The following PNKD variants were observed in gnomAD, a reference collection of about 807,000 sequenced individuals.
The protein encoded by PNKD is probable thioesterase PNKD.
PNKD carries 36 observed loss-of-function variants against 45.3 expected under a neutral mutation model. The observed-to-expected ratio is 0.80, with a 90% CI of 0.61 to 1.05. The LOEUF is 1.05. Among genes scored for constraint, PNKD ranks in the 50% least tolerant of loss-of-function variants. The pLI, the probability that PNKD is intolerant of heterozygous loss-of-function variation, is 0.00. For missense variants in PNKD, 511 were observed against 506.6 expected (o/e 1.01, Z -0.08); for synonymous variants, 197 against 210.1 (o/e 0.94, Z 0.54).
chr2:218,279,902 A>G lies in PNKD; in HGVS notation c.236+8353A>G, dbSNP rs149649906. On this transcript the variant is annotated intron_variant, in intron 2 of 9. Transcript: ENST00000273077. ...GCCCCTCTGAGAAGCAGACAAGGCT[A>G]GAGAAGACAGGCAGCCAGTGTATTT... 1,361 of 758,366 alleles carry G rather than the reference A, an allele frequency of 1.8e-3. 12 individuals carry two copies. Among genetic ancestry groups the G allele is most frequent in the South Asian group, 7.1e-3 (453 of 64,014 alleles). 47.0% of individuals were successfully genotyped at this position (758,366 alleles called of 1,614,324 possible). A position where few individuals can be genotyped will look rare whatever the true frequency, so the allele number is the denominator to read the frequency against.
At chr2:218,277,944 C>A in intron 2 of PNKD, 2 of 1,614,186 alleles carry the variant, frequency 1.2e-6, no homozygotes, top group Non-Finnish European at 1.7e-6. Context: ...CAAAAAGGGT[C>A]AGCAGAATGA....
At chr2:218,272,943 A>G in intron 2 of PNKD, 2 of 1,466,376 alleles carry the variant, frequency 1.4e-6, no homozygotes, top group East Asian at 5.1e-5. Context: ...TTTAGTAGAA[A>G]GGAACCAGGT....
intron 2 of PNKD, among the ~76,000 whole-genome samples, chr2:218,289,575 T>C (rs961076346): frequency 1.6e-5 from 2 of 128,626 alleles, no homozygotes; most frequent in African/African-American, 6.0e-5. Context: ...CCAGGAGATG[T>C]AGGTTGCAGT....
chr2:218,317,435 G>A (rs1559522312), intron 2 of PNKD, among the ~76,000 whole-genome samples: 1 of 152,212 alleles, frequency 6.6e-6, no homozygotes, highest in African/African-American at 2.4e-5. Flanking sequence ...CTAAAAACAG[G>A]TGTTGAAATC....
At chr2:218,330,922 C>T (rs1694297858) in intron 2 of PNKD, among the ~76,000 whole-genome samples, 1 of 152,218 alleles carries the variant, frequency 6.6e-6, no homozygotes, top group African/African-American at 2.4e-5. Context: ...TCTTGTGAGT[C>T]ACATGAACTT....
In PNKD at chr2:218,345,288, C is replaced by T. The variant is rs1257839857; in HGVS notation, c.*307C>T. ...AGGGTCCCCTCCTCCTTCCCTACTC[C>T]TGGGACGGCAGCAAGGACATGGGGG... On this transcript the variant is annotated 3_prime_UTR_variant, in exon 10 of 10. Transcript: ENST00000273077. 1.4e-5 allele frequency: 5 copies of T among 345,160 alleles called. No individual in the cohort carries two copies. In the East Asian group the frequency reaches 2.0e-4, roughly 14 times the overall value. 21.4% of individuals were successfully genotyped at this position (345,160 alleles called of 1,614,324 possible).
At chr2:218,299,404 A>G (rs1294458030) in intron 2 of PNKD, among the ~76,000 whole-genome samples, 1 of 151,652 alleles carries the variant, frequency 6.6e-6, no homozygotes, top group Non-Finnish European at 1.5e-5. Flanking sequence ...AGCCTCCCAG[A>G]GTGCTGGGAT....
intron 2 of PNKD, chr2:218,280,215 G>C (rs771664213): frequency 1.0e-6 from 1 of 956,510 alleles, no homozygotes; most frequent in Non-Finnish European, 1.7e-6. Flanking sequence ...AAGTCTCAGG[G>C]ATCTCCAGCC....
At chr2:218,275,962 C>T (rs1691160224) in intron 2 of PNKD, 3 of 1,554,422 alleles carry the variant, frequency 1.9e-6, no homozygotes, top group Admixed American at 3.8e-5. Context: ...AATTCATGCC[C>T]CCTTCCCTAG....
rs1261723868 is a variant in PNKD at position 218,346,691 on chromosome 2, A to G, written c.*1710A>G. ...TTCTAGACTGTGAATCCTTAAGGGC[A>G]TGGACTGTATCTTATGCATCTCTGT... On this transcript the variant is annotated 3_prime_UTR_variant, in exon 10 of 10. Transcript: ENST00000273077. 1.3e-5 allele frequency: 2 copies of G among 153,996 alleles called. No individual in the cohort carries two copies. Among genetic ancestry groups the G allele is most frequent in the Middle Eastern group, 3.2e-3 (1 of 316 alleles). The allele number at this position is 153,996 out of a possible 1,614,324, so 9.5% of individuals were successfully genotyped here. A position where few individuals can be genotyped will look rare whatever the true frequency, so the allele number is the denominator to read the frequency against.
intron 2 of PNKD, chr2:218,273,020 T>A: frequency 9.4e-7 from 1 of 1,062,950 alleles, no homozygotes; most frequent in Non-Finnish European, 1.3e-6. Flanking sequence ...GTGTGCTCCC[T>A]CTCACAGAGC....
intron 2 of PNKD, chr2:218,282,067 G>T: frequency 6.3e-7 from 1 of 1,586,220 alleles, no homozygotes; most frequent in Admixed American, 1.8e-5. Flanking sequence ...GCTGCCCATA[G>T]CCCCCAGGGG....
chr2:218,304,359 G>A (rs1693356516), intron 2 of PNKD, among the ~76,000 whole-genome samples: 2 of 151,936 alleles, frequency 1.3e-5, no homozygotes, highest in South Asian at 4.2e-4. Flanking sequence ...GACCAGGCTG[G>A]TCTGGAACTC....
intron 2 of PNKD, among the ~76,000 whole-genome samples, chr2:218,301,412 G>A (rs1431084694): frequency 6.6e-6 from 1 of 152,146 alleles, no homozygotes; most frequent in East Asian, 1.9e-4. Context: ...CTGACATCTA[G>A]GAAGCGGTTG....
chr2:218,311,213 T>C (rs1693606827), intron 2 of PNKD, among the ~76,000 whole-genome samples: 1 of 152,186 alleles, frequency 6.6e-6, no homozygotes, highest in African/African-American at 2.4e-5. Flanking sequence ...GAGCCATTGA[T>C]CTGATCTCAG....
Position 218,326,167 on chromosome 2 carries a change from T to G in PNKD, c.237-13616T>G, listed in dbSNP as rs1213717466. Among the ~76,000 whole-genome samples, 5 of 151,844 alleles carry G rather than the reference T, an allele frequency of 3.3e-5. No individual in the cohort carries two copies. In the East Asian group the frequency reaches 9.6e-4, roughly 29 times the overall value. On this transcript the variant is annotated intron_variant, in intron 2 of 9. Transcript: ENST00000273077. This position sits in a 1 kb window ranked among gnomAD's most constrained non-coding sequence, Gnocchi z 4.1. ...GAGGATCGCAAATAGAGGATTCTAC[T>G]GGGGGTGGAAAGGCAATGATGGAAA... is the stretch of plus-strand genomic sequence containing the variant.
At chr2:218,323,464 G>C (rs1222531535) in intron 2 of PNKD, 1 of 1,509,436 alleles carries the variant, frequency 6.6e-7, no homozygotes, top group South Asian at 1.2e-5. Context: ...GTGCGGGCTC[G>C]GGAGGCGGGC....
intron 2 of PNKD, chr2:218,334,762 A>G (rs1417578322): frequency 2.8e-6 from 2 of 702,202 alleles, no homozygotes; most frequent in Admixed American, 4.0e-5. Context: ...GTTACTGGTG[A>G]GATTAACTTT....
chr2:218,300,836 C>T (rs548882637), intron 2 of PNKD, among the ~76,000 whole-genome samples: 2 of 152,178 alleles, frequency 1.3e-5, no homozygotes, highest in East Asian at 1.9e-4. Context: ...TGCACCACCA[C>T]GCCTGGCCAT....
Sources: allele counts gnomAD v4.1 joint callset (sites outside exome capture counted in the v4.1 genomes callset), GRCh38; gene constraint gnomAD v4.1.1; non-coding constraint Gnocchi (gnomAD v3.1); transcripts MANE v1.5; gene names NCBI Gene and HGNC (gene_info 2026-07-23, HGNC 2026-07-21).